The following PHF21B variants were observed in gnomAD, a reference collection of about 807,000 sequenced individuals.
The protein encoded by PHF21B is PHD finger protein 21B, also known as PHD finger protein 4.
A neutral mutation model predicts 62.2 loss-of-function variants in PHF21B; 22 were observed. That is an observed-to-expected ratio of 0.35 (90% CI 0.25 to 0.51). PHF21B has a LOEUF of 0.51. Among genes scored for constraint, PHF21B ranks in the 20% least tolerant of loss-of-function variants. PHF21B has a pLI of 0.97. For synonymous variants in PHF21B, 341 were observed against 314.7 expected (o/e 1.08, Z -0.88); for missense variants, 701 against 707.9 (o/e 0.99, Z 0.11).
chr22:44,950,795 A>G (rs2072177302), intron 2 of PHF21B, among the ~76,000 whole-genome samples: 2 of 152,268 alleles, frequency 1.3e-5, no homozygotes, highest in South Asian at 4.1e-4. Flanking sequence ...ACTTTCTTTG[A>G]GTCTTCTGCT....
rs1045725771 is a variant in PHF21B, at chr22:45,009,716, G to A, written c.-167C>T. On this transcript the variant is annotated 5_prime_UTR_variant, in exon 1 of 13. Transcript: ENST00000313237. This position sits in a 1 kb window ranked among gnomAD's most constrained non-coding sequence, Gnocchi z 5.9. Reference sequence around the variant, plus strand: ...CCGAAAGGGAAGGGGGCTGGCGAAGGGGAAGACAGGCTTCCGGGCGCCGCG... The same window carrying A: ...CCGAAAGGGAAGGGGGCTGGCGAAGAGGAAGACAGGCTTCCGGGCGCCGCG... 1.1e-5 allele frequency: 6 copies of A among 570,662 alleles called. No homozygotes were observed. The Admixed American group carries it at 1.8e-4, about 17-fold the overall frequency. 35.3% of individuals were successfully genotyped at this position (570,662 alleles called of 1,614,324 possible).
intron 2 of PHF21B, among the ~76,000 whole-genome samples, chr22:44,983,891 G>A (rs2072886609): frequency 6.6e-6 from 1 of 151,892 alleles, no homozygotes. Context: ...GGTGGGAAAA[G>A]GGAAGTTTGG....
rs1018341299 is a variant in PHF21B at position 45,009,381 on chromosome 22, G to A, written c.54+115C>T. ...CTCCCTCGCCCCCCGCCCCCGGGCA[G>A]GCTCCAGCCTGGAAGACCCAGAGAC... On this transcript the variant is annotated intron_variant, in intron 1 of 12. Transcript: ENST00000313237. This position sits in a 1 kb window ranked among gnomAD's most constrained non-coding sequence, Gnocchi z 5.9. The A allele has an allele frequency of 8.9e-7, 1 of 1,119,374 alleles. No homozygotes were observed. The highest frequency in any genetic ancestry group is 1.2e-6 in the Non-Finnish European group (1 of 819,304). The allele number at this position is 1,119,374 out of a possible 1,614,324, so 69.3% of individuals were successfully genotyped here.
chr22:44,962,331 C>T (rs1162855998), intron 2 of PHF21B, among the ~76,000 whole-genome samples: 1 of 152,166 alleles, frequency 6.6e-6, no homozygotes, highest in African/African-American at 2.4e-5. Context: ...AATAAAGTCA[C>T]TGTAAGTTGA....
intron 2 of PHF21B, among the ~76,000 whole-genome samples, chr22:44,931,625 T>TG (rs1268950193): frequency 1.2e-5 from 1 of 82,370 alleles, no homozygotes; most frequent in East Asian, 4.1e-4. Flanking sequence ...AACTAAGGAT[T>TG]GGGGGTTGTG....
At chr22:44,994,321 A>G (rs944393763) in intron 2 of PHF21B, among the ~76,000 whole-genome samples, 7 of 152,230 alleles carry the variant, frequency 4.6e-5, no homozygotes, top group Admixed American at 3.3e-4. Flanking sequence ...TGGCGAGCTT[A>G]TAAGACAAGG....
intron 5 of PHF21B, chr22:44,901,583 T>G (rs2071159809): frequency 3.4e-6 from 1 of 296,176 alleles, no homozygotes; most frequent in African/African-American, 2.2e-5. Context: ...CTCTTTCCCA[T>G]CTTGCAAGAT....
intron 2 of PHF21B, among the ~76,000 whole-genome samples, chr22:44,976,128 G>A (rs960131845): frequency 2.6e-5 from 4 of 152,160 alleles, no homozygotes; most frequent in Non-Finnish European, 4.4e-5. Context: ...TCATGATTGC[G>A]CCACTGCACT....
At chr22:44,977,989 C>A (rs1037106253) in intron 2 of PHF21B, among the ~76,000 whole-genome samples, 1 of 152,160 alleles carries the variant, frequency 6.6e-6, no homozygotes, top group Admixed American at 6.5e-5. Flanking sequence ...GGTTGTTGCA[C>A]GTGGCCTCAC....
intron 2 of PHF21B, chr22:45,001,724 G>A (rs540561909): frequency 6.6e-6 from 1 of 152,342 alleles, no homozygotes; most frequent in South Asian, 2.1e-4. Flanking sequence ...GAATTAACCT[G>A]AGCTGTTCCC....
At chr22:44,969,441 G>A (rs1427094477) in intron 2 of PHF21B, among the ~76,000 whole-genome samples, 12 of 152,136 alleles carry the variant, frequency 7.9e-5, no homozygotes, top group African/African-American at 1.7e-4. Context: ...CAAGGCGGGC[G>A]GATCACTTGA....
intron 2 of PHF21B, among the ~76,000 whole-genome samples, chr22:44,979,782 C>T (rs1050493505): frequency 3.3e-5 from 5 of 152,080 alleles, no homozygotes; most frequent in Non-Finnish European, 7.4e-5. Context: ...AAACCATTGA[C>T]ATAATATAAA....
chr22:44,940,446 G>A (rs190717860), intron 2 of PHF21B, among the ~76,000 whole-genome samples: 1 of 152,364 alleles, frequency 6.6e-6, no homozygotes, highest in Admixed American at 6.5e-5. Context: ...CCGCGCAGCG[G>A]GGGCCAACAG....
At chr22:44,887,811 G>A in intron 10 of PHF21B, 152 bp downstream of exon 10, 6 of 766,696 alleles carry the variant, frequency 7.8e-6, no homozygotes, top group Non-Finnish European at 1.1e-5. Flanking sequence ...CCTCAACCAA[G>A]GATTATCCAG....
intron 8 of PHF21B, among the ~76,000 whole-genome samples, chr22:44,890,267 C>T (rs924778230): frequency 6.6e-6 from 1 of 152,170 alleles, no homozygotes; most frequent in Non-Finnish European, 1.5e-5. Context: ...AACATCACTC[C>T]AAGAACCCCT....
chr22:45,006,601 A>C (rs2073318064), intron 2 of PHF21B, among the ~76,000 whole-genome samples: 1 of 152,224 alleles, frequency 6.6e-6, no homozygotes, highest in African/African-American at 2.4e-5. Flanking sequence ...ACAGCCTCGA[A>C]ATAGTTGCTA....
At position 44,909,272 on chromosome 22, in the gene PHF21B, G is replaced by C. The variant is rs138393100; in HGVS notation, c.831+4550C>G. 2.6e-3 allele frequency among the ~76,000 whole-genome samples: 390 copies of C among 152,290 alleles called. 1 individual carries two copies. Among genetic ancestry groups the C allele is most frequent in the African/African-American group, 8.7e-3 (362 of 41,546 alleles). On this transcript the variant is annotated intron_variant, in intron 5 of 12. Transcript: ENST00000313237. ...GACTAAGATATATTAAATACTTTGA[G>C]AGAACAAAGAGAATCCACCCAGAAT...
rs548741895 is a variant in PHF21B, at chr22:45,009,407, C to T, written c.54+89G>A. 442 of 1,338,808 alleles carry T rather than the reference C, an allele frequency of 3.3e-4. 7 individuals carry two copies. In the East Asian group the frequency reaches 9.4e-3, roughly 28 times the overall value. The allele number at this position is 1,338,808 out of a possible 1,614,324, so 82.9% of individuals were successfully genotyped here. The stretch of plus-strand genomic sequence containing the variant: ...GCTCCAGCCTGGAAGACCCAGAGAC[C>T]CGGAAGAGAGGATGCTGGGCTCGGG... On this transcript the variant is annotated intron_variant, in intron 1 of 12. Transcript: ENST00000313237. The surrounding 1 kb of genome is among the most constrained non-coding windows in gnomAD (Gnocchi z 5.9).
At chr22:44,954,848 G>A (rs767944249) in intron 2 of PHF21B, among the ~76,000 whole-genome samples, 7 of 152,204 alleles carry the variant, frequency 4.6e-5, no homozygotes, top group East Asian at 1.9e-4. Context: ...GCAGGCCTCC[G>A]AAGTCGGGCT....
Sources: gnomAD v4.1 joint callset for allele counts (sites outside exome capture counted in the v4.1 genomes callset) on GRCh38, gnomAD v4.1.1 for gene constraint, Gnocchi (gnomAD v3.1) non-coding constraint, MANE v1.5 for transcripts, NCBI Gene and HGNC (gene_info 2026-07-23, HGNC 2026-07-21) for gene names.